The following HDAC1 variants were observed in gnomAD, a reference collection of about 807,000 sequenced individuals.
HDAC1 encodes protein deacetylase HDAC1.
In HDAC1, 18 loss-of-function variants were observed where a neutral mutation model predicts 65.5. The ratio of observed to expected loss-of-function variants is 0.27; its 90% CI spans 0.19 to 0.41. The LOEUF is 0.41. HDAC1 is among the 10% of genes least tolerant of loss of function. HDAC1 has a pLI of 1.00. For missense variants in HDAC1, 373 were observed against 625.2 expected, an observed-to-expected ratio of 0.60 and a Z score of 4.30; for synonymous variants, 211 against 227.9, an observed-to-expected ratio of 0.93 and a Z score of 0.67.
chr1:32,292,092 C>T lies in HDAC1; in HGVS notation c.-78C>T, dbSNP rs114740358. The T allele has an allele frequency of 1.7e-5, 24 of 1,423,726 alleles. 1 individual carries two copies. Among genetic ancestry groups the T allele is most frequent in the African/African-American group, 1.1e-4 (8 of 70,554 alleles). The allele number at this position is 1,423,726 out of a possible 1,614,324, so 88.2% of individuals were successfully genotyped here. On this transcript the variant is annotated 5_prime_UTR_variant, in exon 1 of 14. Coordinates refer to ENST00000373548, the MANE Select transcript of HDAC1 (RefSeq NM_004964.3). ...CGGGCCGGAGGCCCGCCCCCTCCCC[C>T]CTGGGTCGGACGCTGAGCGGAGCCG...
At chr1:32,321,785 C>T (rs1411839134) in intron 3 of HDAC1, among the ~76,000 whole-genome samples, 1 of 151,958 alleles carries the variant, frequency 6.6e-6, no homozygotes, top group East Asian at 1.9e-4. Context: ...GGCTCCATAT[C>T]CCAAATAAGA....
intron 3 of HDAC1, among the ~76,000 whole-genome samples, chr1:32,320,174 C>T (rs1431991975): frequency 6.6e-6 from 1 of 151,404 alleles, no homozygotes; most frequent in African/African-American, 2.4e-5. Context: ...GAGCCGAGAT[C>T]ACGCCACTGT....
At chr1:32,316,969 T>C (rs762129081) in intron 3 of HDAC1, among the ~76,000 whole-genome samples, 187 bp downstream of exon 3, 1 of 152,172 alleles carries the variant, frequency 6.6e-6, no homozygotes, top group Non-Finnish European at 1.5e-5. Flanking sequence ...TTGTAAACGA[T>C]AGAGGTAGTA....
At chr1:32,324,587 C>T (rs746431991) in intron 4 of HDAC1, 34 bp downstream of exon 4, 5 of 1,426,950 alleles carry the variant, frequency 3.5e-6, no homozygotes, top group Non-Finnish European at 4.0e-6. Context: ...CAGGGGTAGA[C>T]TGGGTTGTTC....
rs982250444 is a variant in HDAC1, at chr1:32,292,211, C to T, written c.42C>T (p.Tyr14=). 4 of 1,548,840 alleles carry T rather than the reference C, an allele frequency of 2.6e-6. No homozygotes were observed. The African/African-American group carries it at 4.1e-5, about 16-fold the overall frequency. The stretch of plus-strand genomic sequence containing the variant: ...GCACCCGGAGGAAAGTCTGTTACTA[C>T]TACGACGGTGAGCACCGTCCTCGCG... ...TQGTRRKVCY[Y]YDGDVGNYYY... The change falls in exon 1 of 14, where the codon TAC becomes TAT. Residue 14 remains tyrosine, a synonymous_variant. Coordinates refer to ENST00000373548, the MANE Select transcript of HDAC1 (RefSeq NM_004964.3).
At position 32,327,062 on chromosome 1, in the gene HDAC1, TCCTGGAACTGCTAAAGTATG is replaced by T; in HGVS notation, c.484_494+9del. On this transcript the variant is annotated splice_donor_variant and splice_donor_5th_base_variant and coding_sequence_variant and intron_variant, in exon 5 of 14. Coordinates refer to ENST00000373548, the MANE Select transcript of HDAC1 (RefSeq NM_004964.3). LOFTEE classifies it high-confidence loss of function. This position sits in a 1 kb window ranked among gnomAD's most constrained non-coding sequence, Gnocchi z 6.0. ...TACGTCAATGATATCGTCTTGGCCA[TCCTGGAACTGCTAAAGTATG>T]CCTGCCTGGCCTTGTCTCTTGGAAG... The T allele has an allele frequency of 6.2e-7, 1 of 1,614,146 alleles. No homozygotes were observed. Among genetic ancestry groups the T allele is most frequent in the Non-Finnish European group, 8.5e-7 (1 of 1,180,024 alleles).
At chr1:32,309,090 G>A (rs904042996) in intron 2 of HDAC1, among the ~76,000 whole-genome samples, 1 of 152,140 alleles carries the variant, frequency 6.6e-6, no homozygotes, top group Non-Finnish European at 1.5e-5. Context: ...AGGATTATAG[G>A]CATGAGCCAC....
At chr1:32,302,248 G>A (rs1023976570) in intron 1 of HDAC1, among the ~76,000 whole-genome samples, 25 of 152,158 alleles carry the variant, frequency 1.6e-4, no homozygotes, top group African/African-American at 5.8e-4. Context: ...GTGAATTGTG[G>A]CTTCTAATAA....
intron 2 of HDAC1, among the ~76,000 whole-genome samples, chr1:32,303,341 C>T (rs905245287): frequency 3.3e-5 from 5 of 152,108 alleles, no homozygotes; most frequent in Admixed American, 6.5e-5. Context: ...CCTGTAGTCC[C>T]GGCTACTTAG....
At chr1:32,298,756 G>T (rs981237940) in intron 1 of HDAC1, among the ~76,000 whole-genome samples, 3 of 151,974 alleles carry the variant, frequency 2.0e-5, no homozygotes, top group Non-Finnish European at 4.4e-5. Context: ...CCAGCACTTT[G>T]AGAGGCCGAG....
At chr1:32,298,399 T>C (rs1640801653) in intron 1 of HDAC1, among the ~76,000 whole-genome samples, 1 of 151,958 alleles carries the variant, frequency 6.6e-6, no homozygotes, top group Non-Finnish European at 1.5e-5. Flanking sequence ...TTTTTGTATT[T>C]TTAGTAGAGA....
At chr1:32,292,318 G>A in intron 1 of HDAC1, 100 bp downstream of exon 1, 1 of 1,532,636 alleles carries the variant, frequency 6.5e-7, no homozygotes, top group Non-Finnish European at 8.8e-7. Flanking sequence ...GGGAGGCTGA[G>A]GCGCTGGGGA....
rs1394869605 is a variant in HDAC1, at chr1:32,330,585, C to T, written c.737C>T (p.Ser246Phe). 2.5e-6 allele frequency: 4 copies of T among 1,611,326 alleles called. No individual in the cohort carries two copies. Among genetic ancestry groups the T allele is most frequent in the Non-Finnish European group, 3.4e-6 (4 of 1,177,526 alleles). Residue 246 changes from serine to phenylalanine, a missense_variant, in exon 8 of 14, where the codon TCC (serine) becomes TTC (phenylalanine). By Grantham distance (155) the Ser-to-Phe change is radical (BLOSUM62 -2). Coordinates refer to ENST00000373548, the MANE Select transcript of HDAC1 (RefSeq NM_004964.3). The surrounding 1 kb of genome is among the most constrained non-coding windows in gnomAD (Gnocchi z 4.2). The stretch of plus-strand genomic sequence containing the variant: ...CAGGATGTATCATTTTAGGTCATGT[C>T]CAAAGTAATGGAGATGTTCCAGCCT... ...SYEAIFKPVM[S>F]KVMEMFQPSA...
chr1:32,297,625 G>C (rs528373479), intron 1 of HDAC1, among the ~76,000 whole-genome samples: 105 of 151,236 alleles, frequency 6.9e-4, no homozygotes, highest in Middle Eastern at 3.4e-3. Context: ...CTTTTTTTGC[G>C]GGGGGGACGG....
chr1:32,308,438 T>C (rs758517961), intron 2 of HDAC1, among the ~76,000 whole-genome samples: 22 of 152,334 alleles, frequency 1.4e-4, no homozygotes, highest in Non-Finnish European at 2.2e-4. Context: ...TGGATAGAAA[T>C]AGGACCAATT....
At chr1:32,325,696 A>G (rs1471210601) in intron 4 of HDAC1, among the ~76,000 whole-genome samples, 1 of 151,992 alleles carries the variant, frequency 6.6e-6, no homozygotes. Context: ...CCTCTTCTTG[A>G]TAATTTGGAT....
chr1:32,297,942 A>G (rs1211415368), intron 1 of HDAC1, among the ~76,000 whole-genome samples: 1 of 148,764 alleles, frequency 6.7e-6, no homozygotes. Context: ...GGCGCCTACC[A>G]CCACACCTGG....
At chr1:32,306,723 G>A (rs988087542) in intron 2 of HDAC1, among the ~76,000 whole-genome samples, 3 of 152,014 alleles carry the variant, frequency 2.0e-5, no homozygotes, top group African/African-American at 7.3e-5. Context: ...TGTGATTTTT[G>A]ACTGTGGGAT....
intron 2 of HDAC1, among the ~76,000 whole-genome samples, chr1:32,309,020 C>T (rs1192949701): frequency 1.3e-5 from 2 of 152,072 alleles, no homozygotes; most frequent in Non-Finnish European, 2.9e-5. Context: ...CCTTGTTGCC[C>T]AAGCTGGTCT....
Sources: allele counts gnomAD v4.1 joint callset (sites outside exome capture counted in the v4.1 genomes callset), GRCh38; gene constraint gnomAD v4.1.1; non-coding constraint Gnocchi (gnomAD v3.1); transcripts MANE v1.5; gene names NCBI Gene and HGNC (gene_info 2026-07-23, HGNC 2026-07-21).